SPATA22: variants seen among roughly 807,000 people sequenced by gnomAD.
SPATA22 encodes the protein spermatogenesis associated 22, also known as spermatogenesis-associated protein 22.
Under a neutral mutation model 47.8 loss-of-function variants are expected in SPATA22, and 29 were observed. The observed-to-expected ratio is 0.61, with a 90% CI of 0.45 to 0.83. The LOEUF is 0.83. SPATA22 is among the 40% of genes least tolerant of loss of function. The probability of loss-of-function intolerance (pLI) is 0.00; values close to 1 mark genes in which losing one functional copy is unlikely to be tolerated. For synonymous variants in SPATA22, 133 were observed against 140.9 expected, an observed-to-expected ratio of 0.94 and a Z score of 0.40; for missense variants, 410 against 421.7, an observed-to-expected ratio of 0.97 and a Z score of 0.24.
chr17:3,443,305 G>T, intron 7 of SPATA22, 34 bp from the exon 8 acceptor site: 1 of 1,447,854 alleles, frequency 6.9e-7, no homozygotes, highest in Non-Finnish European at 9.5e-7. Context: ...AAAAATGAAT[G>T]TTGGTAAACT....
intron 1 of SPATA22, chr17:3,511,495 G>A (rs1439326832): frequency 6.6e-6 from 1 of 152,224 alleles, no homozygotes; most frequent in Non-Finnish European, 1.5e-5. Context: ...GTAAAATGAA[G>A]GAAGTGCTCC....
intron 1 of SPATA22, among the ~76,000 whole-genome samples, chr17:3,493,358 C>T (rs1009384803): frequency 1.3e-5 from 2 of 151,972 alleles, no homozygotes; most frequent in East Asian, 1.9e-4. Context: ...GTCAAGAAAT[C>T]GAGACCATCC....
chr17:3,489,713 G>T (rs941035309), intron 1 of SPATA22, among the ~76,000 whole-genome samples: 3 of 152,174 alleles, frequency 2.0e-5, no homozygotes, highest in Non-Finnish European at 2.9e-5. Context: ...TCAAGCGTTG[G>T]TAAATGTGTA....
upstream of SPATA22, chr17:3,476,236 C>T (rs1480068143): frequency 1.2e-6 from 2 of 1,614,146 alleles, no homozygotes; most frequent in South Asian, 1.1e-5. Flanking sequence ...AATGAGCTAA[C>T]CGGAGTATTT....
intron 1 of SPATA22, among the ~76,000 whole-genome samples, chr17:3,505,537 T>G (rs2150769375): frequency 6.6e-6 from 1 of 152,040 alleles, no homozygotes; most frequent in East Asian, 1.9e-4. Flanking sequence ...ATACAGGCAG[T>G]GCTCCAATAG....
chr17:3,441,206 T>C (rs2072589960), intron 8 of SPATA22: 1 of 152,022 alleles, frequency 6.6e-6, no homozygotes, highest in Non-Finnish European at 1.5e-5. Flanking sequence ...CTTCTGTTTA[T>C]CAAAAGCCAT....
intron 2 of SPATA22, among the ~76,000 whole-genome samples, chr17:3,467,846 G>A (rs2073349684): frequency 6.7e-6 from 1 of 150,078 alleles, no homozygotes; most frequent in Non-Finnish European, 1.5e-5. Flanking sequence ...TCCACTTTTT[G>A]TTTTCCTTAT....
At chr17:3,507,549 G>A (rs556423579) in intron 1 of SPATA22, among the ~76,000 whole-genome samples, 2 of 152,326 alleles carry the variant, frequency 1.3e-5, no homozygotes, top group African/African-American at 4.8e-5. Flanking sequence ...CAGAGGGGTT[G>A]CTGGTGCAGT....
intron 5 of SPATA22, among the ~76,000 whole-genome samples, chr17:3,457,488 A>G (rs2073024038): frequency 1.3e-5 from 2 of 148,692 alleles, no homozygotes; most frequent in African/African-American, 4.9e-5. Flanking sequence ...CAATCCTAAA[A>G]TTCATATGGA....
At chr17:3,505,838 G>A (rs192791984) in intron 1 of SPATA22, among the ~76,000 whole-genome samples, 26 of 150,340 alleles carry the variant, frequency 1.7e-4, no homozygotes, top group Non-Finnish European at 3.4e-4. Flanking sequence ...GCTCACTGTA[G>A]CCTCTGCCTC....
intron 3 of SPATA22, among the ~76,000 whole-genome samples, chr17:3,464,531 T>C (rs1286994179): frequency 1.6e-5 from 2 of 121,966 alleles, no homozygotes; most frequent in Non-Finnish European, 1.8e-5. Flanking sequence ...ATCTAGGAAG[T>C]GAGAAGCGCC....
At chr17:3,470,637 G>A (rs1272004619) in intron 1 of SPATA22, among the ~76,000 whole-genome samples, 1 of 152,034 alleles carries the variant, frequency 6.6e-6, no homozygotes, top group Non-Finnish European at 1.5e-5. Flanking sequence ...TGTGGTCCCA[G>A]CTACTCGTGA....
intron 2 of SPATA22, 38 bp from the exon 3 acceptor site, chr17:3,467,592 C>T: frequency 6.5e-7 from 1 of 1,548,758 alleles, no homozygotes; most frequent in Non-Finnish European, 8.7e-7. Context: ...ACATAATAGA[C>T]AAATAAGCAG....
intron 1 of SPATA22, chr17:3,498,796 G>T: frequency 1.7e-6 from 2 of 1,204,326 alleles, no homozygotes; most frequent in East Asian, 2.6e-5. Context: ...TAAAACAACA[G>T]AATACTGTAA....
intron 6 of SPATA22, among the ~76,000 whole-genome samples, chr17:3,448,553 A>T (rs1225149614): frequency 6.6e-6 from 1 of 152,206 alleles, no homozygotes; most frequent in Non-Finnish European, 1.5e-5. Context: ...CTTTAAAATG[A>T]GTGTAAAGTG....
intron 5 of SPATA22, among the ~76,000 whole-genome samples, chr17:3,460,844 C>CCT (rs2073110221): frequency 1.3e-5 from 2 of 149,714 alleles, no homozygotes; most frequent in East Asian, 3.9e-4. Context: ...CCTCATATCA[C>CCT]CTCAACTCCT....
At chr17:3,458,237 C>G (rs550091315) in intron 5 of SPATA22, among the ~76,000 whole-genome samples, 2 of 152,142 alleles carry the variant, frequency 1.3e-5, no homozygotes, top group Non-Finnish European at 2.9e-5. Context: ...CATCACTAAT[C>G]AGCAGGAAAA....
chr17:3,446,131 T>C (rs373403922), intron 7 of SPATA22, among the ~76,000 whole-genome samples: 4 of 152,250 alleles, frequency 2.6e-5, no homozygotes, highest in East Asian at 1.9e-4. Flanking sequence ...TGTGATTACA[T>C]TGAACCCACC....
chr17:3,455,103 A>G (rs372701424), intron 5 of SPATA22, among the ~76,000 whole-genome samples: 12 of 150,512 alleles, frequency 8.0e-5, no homozygotes, highest in Non-Finnish European at 1.6e-4. Context: ...GTCTTCTTTT[A>G]AGAAGTGTCT....
Sources: allele counts gnomAD v4.1 joint callset (sites outside exome capture counted in the v4.1 genomes callset), GRCh38; gene constraint gnomAD v4.1.1; transcripts MANE v1.5; gene names NCBI Gene and HGNC (gene_info 2026-07-23, HGNC 2026-07-21).